The following LPP variants were observed in gnomAD, a reference collection of about 807,000 sequenced individuals.
LPP encodes the protein LIM domain containing preferred translocation partner in lipoma.
In LPP, 38 loss-of-function variants were observed where a neutral mutation model predicts 60.4. That is an observed-to-expected ratio of 0.63 (90% CI 0.49 to 0.83). The LOEUF is 0.83. LPP is among the 40% of genes least tolerant of loss of function. The pLI is 0.00. For missense variants in LPP, 902 were observed against 783.6 expected, an observed-to-expected ratio of 1.15 and a Z score of -1.80; for synonymous variants, 328 against 290.8, an observed-to-expected ratio of 1.13 and a Z score of -1.30.
chr3:188,753,580 CGTGTGTGTGTGT>C lies in LPP; in HGVS notation c.1241-6508_1241-6497del, dbSNP rs141731350. Reference sequence around the variant, plus strand: ...CCTTGGGGTTTTGGCTTGTTGTGTGCGTGTGTGTGTGTGTGTGTGTGTGTGTGTGTGTGTGTT... The same window carrying C: ...CCTTGGGGTTTTGGCTTGTTGTGTGCGTGTGTGTGTGTGTGTGTGTGTGTT... On this transcript the variant is annotated intron_variant, in intron 8 of 11. Coordinates refer to ENST00000617246, the MANE Select transcript of LPP (RefSeq NM_001375462.1). 3.6e-5 allele frequency among the ~76,000 whole-genome samples: 5 copies of C among 139,630 alleles called. No individual in the cohort carries two copies. In the East Asian group the frequency reaches 6.4e-4, roughly 18 times the overall value. 91.6% of individuals were successfully genotyped at this position (139,630 alleles called of 152,430 possible).
intron 6 of LPP, chr3:188,553,944 T>G (rs1399080085): frequency 6.6e-6 from 1 of 152,210 alleles, no homozygotes; most frequent in South Asian, 2.1e-4. Context: ...GAAATGTTAA[T>G]GCAGAATAGC....
At chr3:188,399,133 G>A (rs1443830328) in intron 3 of LPP, among the ~76,000 whole-genome samples, 1 of 152,196 alleles carries the variant, frequency 6.6e-6, no homozygotes, top group Non-Finnish European at 1.5e-5. Context: ...AAGGACACAA[G>A]ATTTCAGAGA....
chr3:188,741,976 C>T (rs1311803033), intron 8 of LPP, among the ~76,000 whole-genome samples: 2 of 151,812 alleles, frequency 1.3e-5, no homozygotes, highest in Non-Finnish European at 2.9e-5. Flanking sequence ...AAACAGGCAA[C>T]AGATTTGAAA....
intron 4 of LPP, among the ~76,000 whole-genome samples, chr3:188,428,243 C>T (rs1271320221): frequency 6.6e-6 from 1 of 152,132 alleles, no homozygotes; most frequent in Non-Finnish European, 1.5e-5. Flanking sequence ...GTGGGCTGCA[C>T]CCACTGTCTA....
chr3:188,240,592 G>T (rs952615586), intron 2 of LPP, among the ~76,000 whole-genome samples: 4 of 152,106 alleles, frequency 2.6e-5, no homozygotes, highest in Non-Finnish European at 5.9e-5. Flanking sequence ...TTATTGAGTA[G>T]TTAGGATATT....
At chr3:188,423,411 T>C (rs1361554388) in intron 4 of LPP, among the ~76,000 whole-genome samples, 2 of 152,250 alleles carry the variant, frequency 1.3e-5, no homozygotes, top group African/African-American at 2.4e-5. Context: ...AATATACGTG[T>C]ACATGTGTCT....
chr3:188,621,803 G>A (rs1411136436), intron 7 of LPP, among the ~76,000 whole-genome samples: 1 of 152,048 alleles, frequency 6.6e-6, no homozygotes, highest in African/African-American at 2.4e-5. Flanking sequence ...GGGATTACAG[G>A]CATGCACCAC....
At chr3:188,269,663 G>T (rs2149781047) in intron 2 of LPP, among the ~76,000 whole-genome samples, 1 of 151,336 alleles carries the variant, frequency 6.6e-6, no homozygotes, top group Admixed American at 6.6e-5. Flanking sequence ...GTGTGTGTGT[G>T]TGTGTGTGTG....
intron 8 of LPP, chr3:188,711,248 G>A (rs897914850): frequency 6.6e-6 from 1 of 152,210 alleles, no homozygotes; most frequent in Admixed American, 6.5e-5. Flanking sequence ...CTTTTATTGA[G>A]TGCTTATGAT....
intron 1 of LPP, among the ~76,000 whole-genome samples, chr3:188,177,125 A>G (rs1383020039): frequency 6.6e-6 from 1 of 152,234 alleles, no homozygotes; most frequent in Non-Finnish European, 1.5e-5. Flanking sequence ...AGAAAGAGCT[A>G]GGCAGTATGA....
At chr3:188,623,467 AG>A (rs1159143930) in intron 7 of LPP, among the ~76,000 whole-genome samples, 1 of 152,112 alleles carries the variant, frequency 6.6e-6, no homozygotes, top group African/African-American at 2.4e-5. Context: ...TATGTTGGCC[AG>A]GCAGGTCTCG....
intron 4 of LPP, among the ~76,000 whole-genome samples, chr3:188,445,939 G>T (rs1458366357): frequency 1.3e-5 from 2 of 152,106 alleles, no homozygotes; most frequent in East Asian, 1.9e-4. Context: ...CATTTTTAAG[G>T]TCTCTCTTCT....
In LPP at chr3:188,609,607, C is replaced by T. The variant is rs1480836536; in HGVS notation, c.876C>T (p.Asn292=). The stretch of plus-strand genomic sequence containing the variant: ...AGCCTGGGTATGGGTATGCCCCCAA[C>T]CAGGGACGCTATTATGAAGGCTACT... ...QPEPGYGYAP[N]QGRYYEGYYA... is the part of the protein sequence containing the mutation. Residue 292 remains asparagine (N), a synonymous_variant, in exon 7 of 12, where the codon AAC becomes AAT. Coordinates refer to ENST00000617246, the MANE Select transcript of LPP (RefSeq NM_001375462.1). This position sits in a 1 kb window ranked among gnomAD's most constrained non-coding sequence, Gnocchi z 6.9. The T allele has an allele frequency of 6.2e-7, 1 of 1,614,180 alleles. No individual in the cohort carries two copies. Among genetic ancestry groups the T allele is most frequent in the East Asian group, 2.2e-5 (1 of 44,878 alleles).
chr3:188,687,169 G>A (rs1860941530), intron 7 of LPP, among the ~76,000 whole-genome samples: 2 of 152,128 alleles, frequency 1.3e-5, no homozygotes, highest in Non-Finnish European at 2.9e-5. Flanking sequence ...AGATCATCTA[G>A]TTCGGTTTCA....
intron 3 of LPP, among the ~76,000 whole-genome samples, chr3:188,380,119 A>G (rs962123343): frequency 1.3e-5 from 2 of 152,248 alleles, no homozygotes; most frequent in Admixed American, 1.3e-4. Context: ...GTGTGAAATC[A>G]TGAACAACTC....
intron 8 of LPP, among the ~76,000 whole-genome samples, chr3:188,741,304 G>C (rs1244735850): frequency 6.6e-6 from 1 of 151,938 alleles, no homozygotes; most frequent in East Asian, 1.9e-4. Context: ...ATCTATCCTT[G>C]TGCTGGTACT....
At chr3:188,789,747 C>A (rs2151001579) in intron 9 of LPP, among the ~76,000 whole-genome samples, 1 of 152,194 alleles carries the variant, frequency 6.6e-6, no homozygotes, top group Admixed American at 6.5e-5. Flanking sequence ...TTAAAAGAAT[C>A]ATTTATTAGA....
intron 4 of LPP, among the ~76,000 whole-genome samples, chr3:188,413,591 CA>C (rs1197903748): frequency 2.0e-5 from 3 of 152,116 alleles, no homozygotes; most frequent in Non-Finnish European, 4.4e-5. Context: ...TTTTAATTTT[CA>C]GGTCCTCAGG....
At chr3:188,278,101 T>C (rs181557845) in intron 2 of LPP, among the ~76,000 whole-genome samples, 2 of 152,366 alleles carry the variant, frequency 1.3e-5, no homozygotes, top group Admixed American at 1.3e-4. Flanking sequence ...TTCCAGGCAC[T>C]GGGTAAATTG....
Sources: allele counts gnomAD v4.1 joint callset (sites outside exome capture counted in the v4.1 genomes callset), GRCh38; gene constraint gnomAD v4.1.1; non-coding constraint Gnocchi (gnomAD v3.1); transcripts MANE v1.5; gene names NCBI Gene and HGNC (gene_info 2026-07-23, HGNC 2026-07-21).